The following RBM33 variants were observed in gnomAD, a reference collection of about 807,000 sequenced individuals.
The protein encoded by RBM33 is RNA binding motif protein 33, also known as RNA-binding protein 33.
Under a neutral mutation model 132.6 loss-of-function variants are expected in RBM33, and 28 were observed. The observed-to-expected ratio is 0.21, with a 90% CI of 0.16 to 0.29. The LOEUF is 0.29. Ranked by LOEUF, RBM33 falls within the 10% of genes least tolerant of loss-of-function variation. The pLI, the probability that RBM33 is intolerant of heterozygous loss-of-function variation, is 1.00. For missense variants in RBM33, 1,291 were observed against 1,518.5 expected, an observed-to-expected ratio of 0.85 and a Z score of 2.49; for synonymous variants, 634 against 593.0, an observed-to-expected ratio of 1.07 and a Z score of -1.01.
intron 8 of RBM33, among the ~76,000 whole-genome samples, chr7:155,715,258 G>C (rs1563157382): frequency 1.3e-5 from 2 of 152,198 alleles, no homozygotes; most frequent in Admixed American, 6.5e-5. Flanking sequence ...TGGTTGTCCT[G>C]AACTTGGAAC....
rs76151506 is a variant in RBM33, at chr7:155,695,161, G to A, written c.568-5612G>A. On this transcript the variant is annotated intron_variant, in intron 5 of 17. Transcript: ENST00000401878. ...TTGAGCACCATTCCATGTGCGATTG[G>A]ACTTCCGTATATCTTCTTTGCTTCT... 4.1e-3 allele frequency among the ~76,000 whole-genome samples: 624 copies of A among 152,126 alleles called. 2 individuals are homozygous for A. Among genetic ancestry groups the A allele is most frequent in the Non-Finnish European group, 6.6e-3 (448 of 67,992 alleles).
chr7:155,655,713 G>T (rs1424703400), intron 1 of RBM33, among the ~76,000 whole-genome samples: 2 of 151,956 alleles, frequency 1.3e-5, no homozygotes, highest in Non-Finnish European at 2.9e-5. Context: ...GGGAGCATAT[G>T]CATAAAGGAC....
In RBM33 at chr7:155,739,891, C is replaced by G; in HGVS notation, c.1914C>G (p.His638Gln). 1 of 1,548,932 alleles carries G rather than the reference C, an allele frequency of 6.5e-7. No individual in the cohort carries two copies. The highest frequency in any genetic ancestry group is 8.7e-7 in the Non-Finnish European group (1 of 1,146,352). ...CGCCGCAGCACCAGCACCACCACCA[C>G]CACCACCACCTGTCCGTCCCGCCCC... Reference protein sequence around the residue: ...QHPPQHQHHHHHHHLSVPPPP... With the variant: ...QHPPQHQHHHQHHHLSVPPPP... The change falls in exon 12 of 18, where the codon CAC becomes CAG. Residue 638 changes from histidine (H) to glutamine (Q), a missense_variant. Coordinates refer to ENST00000401878, the MANE Select transcript of RBM33 (RefSeq NM_053043.3).
chr7:155,757,592 G>T (rs867464603), intron 14 of RBM33, among the ~76,000 whole-genome samples: 1 of 152,110 alleles, frequency 6.6e-6, no homozygotes, highest in African/African-American at 2.4e-5. Context: ...AGATGTTCCA[G>T]CGCTTATTGT....
rs901944311 is a variant in RBM33 at position 155,778,323 on chromosome 7, G to A, written c.*3282G>A. 2.6e-5 allele frequency: 4 copies of A among 152,182 alleles called. No individual in the cohort carries two copies. The highest frequency in any genetic ancestry group is 9.7e-5 in the African/African-American group (4 of 41,436). The allele number at this position is 152,182 out of a possible 1,614,324, so 9.4% of individuals were successfully genotyped here. A position where few individuals can be genotyped will look rare whatever the true frequency, so the allele number is the denominator to read the frequency against. On this transcript the variant is annotated 3_prime_UTR_variant, in exon 18 of 18. Transcript: ENST00000401878. The surrounding 1 kb of genome is among the most constrained non-coding windows in gnomAD (Gnocchi z 4.0). ...GCAGAGCTTAGATCCTGCACCCAGG[G>A]GTCTTTTTTTCAAACAGCATCTTGC...
intron 14 of RBM33, among the ~76,000 whole-genome samples, chr7:155,760,585 T>TGTA (rs1288443838): frequency 6.6e-6 from 1 of 152,238 alleles, no homozygotes; most frequent in Non-Finnish European, 1.5e-5. Flanking sequence ...ATACTAAGAT[T>TGTA]GTACTGTCAG....
At chr7:155,735,715 CTCTG>C (rs1166810422) in intron 9 of RBM33, among the ~76,000 whole-genome samples, 3 of 93,572 alleles carry the variant, frequency 3.2e-5, no homozygotes, top group Admixed American at 9.5e-5. Flanking sequence ...CTCTCTCTCT[CTCTG>C]TCTCTCTCTC....
rs114793017 is a variant in RBM33 at position 155,746,179 on chromosome 7, A to G, written c.2979+577A>G. 7.0e-3 allele frequency among the ~76,000 whole-genome samples: 1,067 copies of G among 152,312 alleles called. 18 individuals carry two copies. Among genetic ancestry groups the G allele is most frequent in the African/African-American group, 0.024 (1,003 of 41,556 alleles). On this transcript the variant is annotated intron_variant, in intron 14 of 17. Transcript: ENST00000401878. ...AGCTTCTTATTGTAGATAATTTGTG[A>G]TAAAATCATTACGTTTGTTTTGGAA...
intron 8 of RBM33, among the ~76,000 whole-genome samples, chr7:155,713,867 C>T (rs1223440365): frequency 1.3e-5 from 2 of 152,080 alleles, no homozygotes; most frequent in African/African-American, 4.8e-5. Flanking sequence ...TCCAGGACCA[C>T]GTGCCAGAGG....
At chr7:155,678,432 G>A (rs1466366265) in intron 3 of RBM33, among the ~76,000 whole-genome samples, 176 bp from the exon 4 acceptor site, 1 of 152,316 alleles carries the variant, frequency 6.6e-6, no homozygotes, top group East Asian at 1.9e-4. Flanking sequence ...AGCCCAGGAG[G>A]GATCCACATG....
In RBM33 at chr7:155,745,152, G is replaced by T; in HGVS notation, c.2529G>T (p.Gln843His). 1 of 1,606,538 alleles carries T rather than the reference G, an allele frequency of 6.2e-7. No individual in the cohort carries two copies. Among genetic ancestry groups the T allele is most frequent in the Non-Finnish European group, 8.5e-7 (1 of 1,176,190 alleles). Residue 843 changes from glutamine (Q) to histidine (H), a missense_variant, in exon 14 of 18, where the codon CAG becomes CAT. By Grantham distance (24) the Gln-to-His change is conservative. Around this residue, in one of 7 missense-constraint regions of RBM33, gnomAD observed 841 missense variants for 912.0 expected, o/e 0.92. Coordinates refer to ENST00000401878, the MANE Select transcript of RBM33 (RefSeq NM_053043.3). The surrounding 1 kb of genome is among the most constrained non-coding windows in gnomAD (Gnocchi z 4.1). ...QLYAPPPPAE[Q>H]EEQALSPSPT... ...ACGCTCCCCCACCCCCAGCAGAGCA[G>T]GAAGAGCAGGCACTGTCACCATCAC...
chr7:155,657,372 A>T (rs1419145049), intron 1 of RBM33, among the ~76,000 whole-genome samples: 2 of 152,228 alleles, frequency 1.3e-5, no homozygotes, highest in Admixed American at 1.3e-4. Flanking sequence ...TAAAAAGCAA[A>T]AAGAGCCCAC....
intron 9 of RBM33, among the ~76,000 whole-genome samples, chr7:155,727,125 T>C (rs1800814972): frequency 6.6e-6 from 1 of 152,212 alleles, no homozygotes; most frequent in African/African-American, 2.4e-5. Flanking sequence ...AGCTTCTTTT[T>C]AGTGTGTATC....
intron 14 of RBM33, among the ~76,000 whole-genome samples, chr7:155,749,317 T>G (rs1801621629): frequency 6.6e-6 from 1 of 152,118 alleles, no homozygotes; most frequent in Non-Finnish European, 1.5e-5. Flanking sequence ...ATTTATTGAG[T>G]GTTTAGCATG....
chr7:155,647,424 T>G (rs555775616), intron 1 of RBM33, among the ~76,000 whole-genome samples: 1 of 152,194 alleles, frequency 6.6e-6, no homozygotes, highest in East Asian at 1.9e-4. Context: ...ATAGGAGTGT[T>G]TGCTTATTTT....
chr7:155,731,174 C>T (rs1030621969), intron 9 of RBM33, among the ~76,000 whole-genome samples: 1 of 152,132 alleles, frequency 6.6e-6, no homozygotes, highest in African/African-American at 2.4e-5. Context: ...TTTGCCTTAT[C>T]TATAATGAGA....
intron 3 of RBM33, among the ~76,000 whole-genome samples, chr7:155,674,571 T>G (rs1212911709): frequency 3.9e-5 from 6 of 152,218 alleles, no homozygotes; most frequent in Non-Finnish European, 7.3e-5. Context: ...ATAATTCCCT[T>G]TTGATTTACA....
At chr7:155,740,105 G>A (rs1199155526) in intron 12 of RBM33, 79 bp downstream of exon 12, 1 of 1,429,358 alleles carries the variant, frequency 7.0e-7, no homozygotes, top group African/African-American at 1.4e-5. Flanking sequence ...ATAATATGTA[G>A]GTTAGAATAT....
At chr7:155,702,326 G>T (rs1799989397) in intron 6 of RBM33, among the ~76,000 whole-genome samples, 1 of 152,160 alleles carries the variant, frequency 6.6e-6, no homozygotes, top group South Asian at 2.1e-4. Flanking sequence ...AGGCAAGATT[G>T]TTCAGAGAGA....
Sources: gnomAD v4.1 joint callset for allele counts (sites outside exome capture counted in the v4.1 genomes callset) on GRCh38, gnomAD v4.1.1 for gene constraint, gnomAD v4.1.1 regional missense constraint, Gnocchi (gnomAD v3.1) non-coding constraint, MANE v1.5 for transcripts, NCBI Gene and HGNC (gene_info 2026-07-23, HGNC 2026-07-21) for gene names.